Variants in CLPB observed in about 807,000 individuals in gnomAD.
CLPB encodes the protein ClpB family mitochondrial disaggregase.
CLPB carries 40 observed loss-of-function variants against 78.4 expected under a neutral mutation model. The observed-to-expected ratio is 0.51, with a 90% CI of 0.40 to 0.66. CLPB has a LOEUF of 0.66. CLPB is among the 30% of genes least tolerant of loss of function. The pLI, the probability that CLPB is intolerant of heterozygous loss-of-function variation, is 0.00. For missense variants in CLPB, 780 were observed against 886.9 expected, an observed-to-expected ratio of 0.88 and a Z score of 1.53; for synonymous variants, 333 against 348.0, an observed-to-expected ratio of 0.96 and a Z score of 0.48.
chr11:72,297,702 T>TGTGTGTGTGTGTGTGTGTGTGTGTGA (rs1464583884), intron 11 of CLPB, among the ~76,000 whole-genome samples: 1 of 129,658 alleles, frequency 7.7e-6, no homozygotes, highest in Non-Finnish European at 1.7e-5. Context: ...TGTGTGTGTG[T>TGTGTGTGTGTGTGTGTGTGTGTGTGA]GACATGTCCA....
intron 8 of CLPB, 70 bp from the exon 9 acceptor site, chr11:72,307,324 G>A (rs1949763607): frequency 8.2e-7 from 1 of 1,223,306 alleles, no homozygotes; most frequent in African/African-American, 1.5e-5. Context: ...AAGAATACTA[G>A]AAATGCACGG....
intron 2 of CLPB, among the ~76,000 whole-genome samples, chr11:72,406,209 G>A (rs1233444475): frequency 6.6e-6 from 1 of 152,142 alleles, no homozygotes; most frequent in Non-Finnish European, 1.5e-5. Context: ...AAATGAGAAA[G>A]GAGGGTGCAG....
At chr11:72,313,458 A>G (rs1042298395) in intron 7 of CLPB, among the ~76,000 whole-genome samples, 3 of 152,242 alleles carry the variant, frequency 2.0e-5, no homozygotes, top group African/African-American at 7.2e-5. Context: ...ATTGTGCGTG[A>G]GCTCAGGCTT....
intron 6 of CLPB, among the ~76,000 whole-genome samples, chr11:72,326,161 T>C (rs1950130224): frequency 6.6e-6 from 1 of 152,212 alleles, no homozygotes; most frequent in Admixed American, 6.5e-5. Context: ...ACTACCTAGA[T>C]GCATTTGATA....
intron 5 of CLPB, among the ~76,000 whole-genome samples, chr11:72,335,670 T>C (rs944456121): frequency 1.4e-4 from 21 of 152,324 alleles, no homozygotes; most frequent in African/African-American, 4.3e-4. Context: ...TCTTACTGCA[T>C]TGGCCACCCT....
At position 72,285,894 on chromosome 11, in the gene CLPB, T is replaced by G. The variant is rs1416533144; in HGVS notation, c.*7473A>C. The G allele has an allele frequency of 6.6e-6, 1 of 152,190 alleles. No homozygotes were observed. Among genetic ancestry groups the G allele is most frequent in the Non-Finnish European group, 1.5e-5 (1 of 68,028 alleles). 9.4% of individuals were successfully genotyped at this position (152,190 alleles called of 1,614,324 possible). On this transcript the variant is annotated 3_prime_UTR_variant, in exon 16 of 16. Coordinates refer to ENST00000538039, the MANE Select transcript of CLPB (RefSeq NM_001258392.3). ...GCTAGAATACAGAAAAAACAATTGATTTTTGTACAGTTATCTTTTATTCAG... is the reference window on the plus strand; with the variant it reads ...GCTAGAATACAGAAAAAACAATTGAGTTTTGTACAGTTATCTTTTATTCAG...
intron 3 of CLPB, among the ~76,000 whole-genome samples, chr11:72,390,878 A>C (rs1855233287): frequency 6.6e-6 from 1 of 152,216 alleles, no homozygotes; most frequent in African/African-American, 2.4e-5. Flanking sequence ...TCATCACAGC[A>C]TTCTGTGGCA....
At chr11:72,372,999 C>T (rs1055999390) in intron 4 of CLPB, 2 of 1,613,914 alleles carry the variant, frequency 1.2e-6, no homozygotes, top group African/African-American at 2.7e-5. Context: ...CCGGCTTGCA[C>T]CGTCCTGTCC....
chr11:72,348,052 A>T (rs1485654046), intron 5 of CLPB, among the ~76,000 whole-genome samples: 1 of 152,242 alleles, frequency 6.6e-6, no homozygotes, highest in Non-Finnish European at 1.5e-5. Flanking sequence ...TTTTCAGTCC[A>T]GTGAAACCCA....
chr11:72,293,992 G>C, intron 15 of CLPB, 30 bp downstream of exon 15: 1 of 1,583,686 alleles, frequency 6.3e-7, no homozygotes, highest in African/African-American at 1.3e-5. Flanking sequence ...AGGTGTGGAG[G>C]CGCCTCATTT....
intron 4 of CLPB, chr11:72,372,797 G>C: frequency 1.3e-6 from 1 of 791,464 alleles, no homozygotes; most frequent in South Asian, 1.6e-5. Flanking sequence ...TGCTATGCTT[G>C]GGTTAGGCTG....
Position 72,287,328 on chromosome 11 carries a change from T to G in CLPB, c.*6039A>C, listed in dbSNP as rs1949402610. ...TTAATTAAAAACAATTTTTTATTTT[T>G]GGGACATGGTCTCGCTCTGTCACCC... On this transcript the variant is annotated 3_prime_UTR_variant, in exon 16 of 16. Transcript: ENST00000538039. The G allele has an allele frequency of 6.6e-6, 1 of 152,250 alleles. No homozygotes were observed. Among genetic ancestry groups the G allele is most frequent in the South Asian group, 2.1e-4 (1 of 4,834 alleles). The allele number at this position is 152,250 out of a possible 1,614,324, so 9.4% of individuals were successfully genotyped here.
intron 3 of CLPB, among the ~76,000 whole-genome samples, chr11:72,382,566 A>G (rs1815890605): frequency 2.6e-5 from 4 of 152,008 alleles, no homozygotes; most frequent in Non-Finnish European, 4.4e-5. Flanking sequence ...CCAGGCTCCA[A>G]GCTTAACCCT....
intron 6 of CLPB, among the ~76,000 whole-genome samples, chr11:72,324,698 T>C (rs1230232400): frequency 6.6e-6 from 1 of 152,170 alleles, no homozygotes; most frequent in Non-Finnish European, 1.5e-5. Context: ...GCCAGGCACA[T>C]GGCAAGCTGG....
chr11:72,385,621 G>A lies in CLPB; in HGVS notation c.543-5237C>T, dbSNP rs557878052. On this transcript the variant is annotated intron_variant, in intron 3 of 15. Transcript: ENST00000538039. ...CTGGATCACCTGAGGTCAGGAGTTCGAGACCAGCCTGGCCAACATGGTGAA... is the reference window on the plus strand; with the variant it reads ...CTGGATCACCTGAGGTCAGGAGTTCAAGACCAGCCTGGCCAACATGGTGAA... Among the ~76,000 whole-genome samples, 4 of 152,208 alleles carry A rather than the reference G, an allele frequency of 2.6e-5. No individual in the cohort carries two copies. The East Asian group carries it at 7.7e-4, about 29-fold the overall frequency.
At chr11:72,313,284 C>T (rs1295021584) in intron 7 of CLPB, among the ~76,000 whole-genome samples, 5 of 152,152 alleles carry the variant, frequency 3.3e-5, no homozygotes, top group South Asian at 2.1e-4. Flanking sequence ...GGTAAGTACT[C>T]GACAGGTGCC....
intron 5 of CLPB, among the ~76,000 whole-genome samples, chr11:72,354,965 A>G (rs1194589890): frequency 1.3e-5 from 2 of 152,052 alleles, no homozygotes; most frequent in African/African-American, 4.8e-5. Flanking sequence ...GTCTGTTTCC[A>G]CATCTATCTC....
rs766521286 is a variant in CLPB, at chr11:72,317,161, C to A, written c.933G>T (p.Gln311His). The change falls in exon 7 of 16, where the codon CAG (glutamine) becomes CAT (histidine). Residue 311 changes from glutamine to histidine, a missense_variant. Transcript: ENST00000538039. ...GGCCAATGATGTGCTCCTTTAGTCG[C>A]TGCTCCAGGGGGAAGCGGCGCCGCT... ...AEERRRFPLE[Q>H]RLKEHIIGQE... 1 of 1,612,500 alleles carries A rather than the reference C, an allele frequency of 6.2e-7. No homozygotes were observed. The highest frequency in any genetic ancestry group is 1.3e-5 in the African/African-American group (1 of 74,888).
At chr11:72,319,060 T>C (rs1950000155) in intron 6 of CLPB, among the ~76,000 whole-genome samples, 1 of 152,200 alleles carries the variant, frequency 6.6e-6, no homozygotes, top group African/African-American at 2.4e-5. Context: ...GTTGGGTCAG[T>C]TTCCTCACTT....
Sources: gnomAD v4.1 joint callset for allele counts (sites outside exome capture counted in the v4.1 genomes callset) on GRCh38, gnomAD v4.1.1 for gene constraint, MANE v1.5 for transcripts, NCBI Gene and HGNC (gene_info 2026-07-23, HGNC 2026-07-21) for gene names.